Variants in BIN1 observed in about 807,000 individuals in gnomAD.
BIN1 encodes myc box-dependent-interacting protein 1.
In BIN1, 53 loss-of-function variants were observed where a neutral mutation model predicts 82.0. The observed-to-expected ratio is 0.65, with a 90% CI of 0.52 to 0.81. The LOEUF (loss-of-function observed/expected upper bound fraction) is 0.81, where lower values mean the gene tolerates loss of function less well. BIN1 is among the 40% of genes least tolerant of loss of function. The pLI, the probability that BIN1 is intolerant of heterozygous loss-of-function variation, is 0.00. For synonymous variants in BIN1, 302 were observed against 328.0 expected (o/e 0.92, Z 0.86); for missense variants, 642 against 784.4 (o/e 0.82, Z 2.17).
In BIN1 at chr2:127,086,432, A is replaced by G. The variant is rs142510859; in HGVS notation, c.85-9726T>C. 1.1e-3 allele frequency among the ~76,000 whole-genome samples: 171 copies of G among 152,296 alleles called. 1 individual carries two copies. The highest frequency in any genetic ancestry group is 3.9e-3 in the African/African-American group (164 of 41,566). On this transcript the variant is annotated intron_variant, in intron 1 of 18. Transcript: ENST00000316724. ...GAACGCAAAGCTGACAAAGATTTTC[A>G]CGATGAAATACAAAACCGGGAAGAC...
chr2:127,061,171 C>T (rs1684413153), intron 10 of BIN1, among the ~76,000 whole-genome samples: 1 of 151,908 alleles, frequency 6.6e-6, no homozygotes, highest in South Asian at 2.1e-4. Flanking sequence ...ACCTTGAATT[C>T]ACCTTTTGGC....
At position 127,053,661 on chromosome 2, in the gene BIN1, C is replaced by A; in HGVS notation, c.1240-216G>T. 1.8e-5 allele frequency: 13 copies of A among 741,262 alleles called. No homozygotes were observed. The South Asian group carries it at 2.0e-4, about 11-fold the overall frequency. 45.9% of individuals were successfully genotyped at this position (741,262 alleles called of 1,614,324 possible). ...AAGACCCCAAGCCAGGATGCTTCTG[C>A]CCCAAGCGATGAGCACAAAGTTGCC... On this transcript the variant is annotated intron_variant, in intron 13 of 18. Coordinates refer to ENST00000316724, the MANE Select transcript of BIN1 (RefSeq NM_139343.3).
intron 15 of BIN1, among the ~76,000 whole-genome samples, chr2:127,051,980 C>T (rs1376249335): frequency 1.3e-5 from 2 of 152,256 alleles, no homozygotes; most frequent in Non-Finnish European, 2.9e-5. Flanking sequence ...AAGTGCCTGG[C>T]ATAAACCAGT....
rs1371938398 is a variant in BIN1, at chr2:127,068,306, G to A, written c.520-51C>T. On this transcript the variant is annotated intron_variant, in intron 6 of 18. Transcript: ENST00000316724. This position sits in a 1 kb window ranked among gnomAD's most constrained non-coding sequence, Gnocchi z 4.9. Reference sequence around the variant, plus strand: ...GAAGGTGGAGAGACCAGGGAGGTGGGGAGAGAGAAACAGAGACACACAGAT... The same window carrying A: ...GAAGGTGGAGAGACCAGGGAGGTGGAGAGAGAGAAACAGAGACACACAGAT... The A allele has an allele frequency of 1.4e-6, 2 of 1,476,004 alleles. No individual in the cohort carries two copies. Among genetic ancestry groups the A allele is most frequent in the Non-Finnish European group, 1.9e-6 (2 of 1,071,202 alleles). The allele number at this position is 1,476,004 out of a possible 1,614,324, so 91.4% of individuals were successfully genotyped here. A position where few individuals can be genotyped will look rare whatever the true frequency, so the allele number is the denominator to read the frequency against.
intron 12 of BIN1, 29 bp from the exon 13 acceptor site, chr2:127,054,041 G>C (rs566060996): frequency 1.3e-6 from 2 of 1,542,678 alleles, no homozygotes; most frequent in African/African-American, 2.7e-5. Context: ...AGCAGAGGAG[G>C]AAGCAGTTAG....
chr2:127,060,453 G>T (rs753205366), intron 10 of BIN1: 3 of 1,258,612 alleles, frequency 2.4e-6, no homozygotes, highest in Non-Finnish European at 3.4e-6. Context: ...CACCCAACAC[G>T]CACACGACAG....
Position 127,070,109 on chromosome 2 carries a change from C to CGA in BIN1, c.316-21_316-20dup. ...CGTTGTTCTGAGACAGGCAAGAGCA[C>CGA]GACAGTGCCACCAGGAGGGCTGGGC... On this transcript the variant is annotated intron_variant, in intron 4 of 18. Coordinates refer to ENST00000316724, the MANE Select transcript of BIN1 (RefSeq NM_139343.3). The CGA allele has an allele frequency of 6.2e-7, 1 of 1,610,458 alleles. No individual in the cohort carries two copies. Among genetic ancestry groups the CGA allele is most frequent in the Non-Finnish European group, 8.5e-7 (1 of 1,177,548 alleles).
At chr2:127,101,728 T>C (rs978255529) in intron 1 of BIN1, among the ~76,000 whole-genome samples, 3 of 152,190 alleles carry the variant, frequency 2.0e-5, no homozygotes, top group African/African-American at 7.2e-5. Context: ...TTATAGTTTA[T>C]GGTGGGAGTA....
In BIN1 at chr2:127,057,715, A is replaced by C. The variant is rs989222257; in HGVS notation, c.1003-114T>G. On this transcript the variant is annotated intron_variant, in intron 11 of 18. Coordinates refer to ENST00000316724, the MANE Select transcript of BIN1 (RefSeq NM_139343.3). This position sits in a 1 kb window ranked among gnomAD's most constrained non-coding sequence, Gnocchi z 5.0. ...TAGTCACACCTCAGGCCACAGTCCC[A>C]CCCAGGCCACTGAGCAGGACGCAGC... 8 of 1,308,592 alleles carry C rather than the reference A, an allele frequency of 6.1e-6. No homozygotes were observed. Among genetic ancestry groups the C allele is most frequent in the Non-Finnish European group, 8.0e-6 (8 of 994,158 alleles). The allele number at this position is 1,308,592 out of a possible 1,614,324, so 81.1% of individuals were successfully genotyped here.
At chr2:127,062,225 G>A (rs1684598478) in intron 9 of BIN1, 28 bp from the exon 10 acceptor site, 1 of 1,578,744 alleles carries the variant, frequency 6.3e-7, no homozygotes, top group Non-Finnish European at 8.6e-7. Context: ...AGGAGGTGGG[G>A]GGCCTCCAAG....
intron 1 of BIN1, among the ~76,000 whole-genome samples, chr2:127,103,967 G>A (rs1183771952): frequency 6.6e-6 from 1 of 152,202 alleles, no homozygotes; most frequent in Non-Finnish European, 1.5e-5. Context: ...CATGCTGGAG[G>A]CCCTGGCAAC....
chr2:127,106,830 C>G, intron 1 of BIN1, 30 bp downstream of exon 1: 1 of 1,575,722 alleles, frequency 6.3e-7, no homozygotes, highest in Non-Finnish European at 8.6e-7. Flanking sequence ...GGCTGGGACT[C>G]CGCGGCTGCT....
chr2:127,077,191 A>G (rs1207567352), intron 1 of BIN1, among the ~76,000 whole-genome samples: 1 of 152,202 alleles, frequency 6.6e-6, no homozygotes, highest in African/African-American at 2.4e-5. Context: ...AACCGGCAGG[A>G]GCCATCCCGG....
At chr2:127,072,178 T>A (rs1685972812) in intron 2 of BIN1, among the ~76,000 whole-genome samples, 1 of 152,156 alleles carries the variant, frequency 6.6e-6, no homozygotes, top group African/African-American at 2.4e-5. Flanking sequence ...GTGGGCCCCA[T>A]CCATTCAGGT....
chr2:127,056,812 C>T (rs555540420), intron 12 of BIN1, among the ~76,000 whole-genome samples: 3 of 152,366 alleles, frequency 2.0e-5, no homozygotes, highest in Non-Finnish European at 2.9e-5. Context: ...CCGACCTCCA[C>T]CATGAAGGAC....
intron 2 of BIN1, among the ~76,000 whole-genome samples, chr2:127,072,718 C>T (rs532524874): frequency 2.4e-4 from 36 of 152,272 alleles, no homozygotes; most frequent in Admixed American, 2.1e-3. Flanking sequence ...AAGTCCAAGG[C>T]CCACCGATGT....
Position 127,067,165 on chromosome 2 carries a change from A to C in BIN1, c.612+998T>G, listed in dbSNP as rs1685251466. 6.6e-6 allele frequency among the ~76,000 whole-genome samples: 1 copy of C among 152,008 alleles called. No homozygotes were observed. Among genetic ancestry groups the C allele is most frequent in the Non-Finnish European group, 1.5e-5 (1 of 68,012 alleles). On this transcript the variant is annotated intron_variant, in intron 7 of 18. Transcript: ENST00000316724. The surrounding 1 kb of genome is among the most constrained non-coding windows in gnomAD (Gnocchi z 4.7). ...CACAGGCACTCAATGAAGATGATGA[A>C]ATCAAGAGGAGGCTCCGAAAAAATG...
chr2:127,064,548 A>C, intron 7 of BIN1, among the ~76,000 whole-genome samples: 2 of 151,334 alleles, frequency 1.3e-5, no homozygotes, highest in Admixed American at 6.6e-5. Flanking sequence ...CCTTCACTTC[A>C]CCTCCCAGGG....
chr2:127,062,185 G>C lies in BIN1; in HGVS notation c.787C>G (p.Leu263Val). ...TCCAGGCCGACCAGCACATCATTGA[G>C]GTTCTGGTTGAGCTGCAGGAGAGAC... ...HKEMSKLNQN[L>V]NDVLVGLEKQ... The change falls in exon 10 of 19, where the codon CTC becomes GTC. Residue 263 changes from leucine to valine, a missense_variant. Leu to Val is a conservative substitution (Grantham distance 32, BLOSUM62 1). Transcript: ENST00000316724. 1 of 1,608,374 alleles carries C rather than the reference G, an allele frequency of 6.2e-7. No individual in the cohort carries two copies. The highest frequency in any genetic ancestry group is 8.5e-7 in the Non-Finnish European group (1 of 1,177,452).
Sources: gnomAD v4.1 joint callset for allele counts (sites outside exome capture counted in the v4.1 genomes callset) on GRCh38, gnomAD v4.1.1 for gene constraint, Gnocchi (gnomAD v3.1) non-coding constraint, MANE v1.5 for transcripts, NCBI Gene and HGNC (gene_info 2026-07-23, HGNC 2026-07-21) for gene names.